Variants in CIRSR observed in about 807,000 individuals in gnomAD.
CIRSR encodes CBF1 (RBPJ) interacting corepressor 1.
At chr2:174,370,156 G>A in the CIRSR span, 1 of 1,068,550 alleles carries the variant, frequency 9.4e-7, no homozygotes, top group East Asian at 6.0e-5. Context: ...CAGGCTGAAG[G>A]AGAGCTAGCA....
the CIRSR span, among the ~76,000 whole-genome samples, chr2:174,370,811 T>C: frequency 1.3e-5 from 2 of 150,828 alleles, no homozygotes; most frequent in Admixed American, 1.3e-4. Context: ...CTTGGGAGGC[T>C]GAGGCAAGAG....
At chr2:174,389,405 C>T in the CIRSR span, among the ~76,000 whole-genome samples, 5 of 152,134 alleles carry the variant, frequency 3.3e-5, no homozygotes, top group African/African-American at 1.2e-4. Context: ...GGCAAAGAAA[C>T]TGGTGGCATT....
At chr2:174,383,994 C>T in the CIRSR span, among the ~76,000 whole-genome samples, 1 of 151,998 alleles carries the variant, frequency 6.6e-6, no homozygotes, top group Non-Finnish European at 1.5e-5. Context: ...TAAATATAAA[C>T]CTACCATGTG....
chr2:174,391,929 T>C, the CIRSR span, among the ~76,000 whole-genome samples: 1 of 152,056 alleles, frequency 6.6e-6, no homozygotes, highest in Admixed American at 6.5e-5. Flanking sequence ...TAACAGAAAG[T>C]AGATTAGTGC....
chr2:174,386,526 G>C, the CIRSR span, among the ~76,000 whole-genome samples: 2 of 151,688 alleles, frequency 1.3e-5, no homozygotes, highest in Non-Finnish European at 2.9e-5. Flanking sequence ...TTTTGAACTA[G>C]ATAGTTCTTT....
the CIRSR span, among the ~76,000 whole-genome samples, chr2:174,359,131 A>G: frequency 7.4e-6 from 1 of 135,580 alleles, no homozygotes; most frequent in Non-Finnish European, 1.5e-5. Flanking sequence ...TTTCACTTAT[A>G]AGAAGCTCAA....
At chr2:174,382,794 G>C in the CIRSR span, among the ~76,000 whole-genome samples, 621 of 150,058 alleles carry the variant, frequency 4.1e-3, 6 homozygotes, top group African/African-American at 0.014. Flanking sequence ...AGGCTTTTTA[G>C]AAAAAAAAAG....
At chr2:174,377,839 A>G in the CIRSR span, among the ~76,000 whole-genome samples, 1 of 151,610 alleles carries the variant, frequency 6.6e-6, no homozygotes, top group African/African-American at 2.4e-5. Flanking sequence ...AAAAAAAAAA[A>G]AAAAAAAACC....
the CIRSR span, among the ~76,000 whole-genome samples, chr2:174,392,926 A>G: frequency 6.6e-6 from 1 of 152,234 alleles, no homozygotes. Flanking sequence ...TAAACAGGCT[A>G]GTTAAAACAG....
At chr2:174,388,204 GTTC>G in the CIRSR span, among the ~76,000 whole-genome samples, 2 of 152,054 alleles carry the variant, frequency 1.3e-5, no homozygotes, top group East Asian at 1.9e-4. Flanking sequence ...CTTGATACGA[GTTC>G]TTTTTATTTT....
At chr2:174,356,352 CAGCTACTAGAG>C in the CIRSR span, among the ~76,000 whole-genome samples, 1 of 151,862 alleles carries the variant, frequency 6.6e-6, no homozygotes, top group Non-Finnish European at 1.5e-5. Context: ...CCTATACTCC[CAGCTACTAGAG>C]AGGGTGAGGT....
chr2:174,349,345 T>C, the CIRSR span, among the ~76,000 whole-genome samples: 1 of 151,926 alleles, frequency 6.6e-6, no homozygotes, highest in Non-Finnish European at 1.5e-5. Context: ...GGCGGGCGGA[T>C]CACAAGGTCA....
At chr2:174,355,520 A>G in the CIRSR span, among the ~76,000 whole-genome samples, 1 of 152,202 alleles carries the variant, frequency 6.6e-6, no homozygotes, top group Non-Finnish European at 1.5e-5. Context: ...TTTATTTTAC[A>G]AACTTTTCTT....
At chr2:174,387,988 C>T in the CIRSR span, among the ~76,000 whole-genome samples, 15 of 151,884 alleles carry the variant, frequency 9.9e-5, no homozygotes, top group South Asian at 2.5e-3. Context: ...CGATAGCCAA[C>T]GAGCTAAAAA....
At chr2:174,349,683 A>G in the CIRSR span, among the ~76,000 whole-genome samples, 1 of 152,072 alleles carries the variant, frequency 6.6e-6, no homozygotes, top group African/African-American at 2.4e-5. Context: ...AAATTAAAAA[A>G]TTAAATGCAT....
the CIRSR span, among the ~76,000 whole-genome samples, chr2:174,374,327 T>G: frequency 2.6e-5 from 4 of 152,244 alleles, no homozygotes; most frequent in Non-Finnish European, 5.9e-5. Context: ...TCAGTTACTC[T>G]CTATTAAATA....
chr2:174,368,117 G>A, the CIRSR span, among the ~76,000 whole-genome samples: 1 of 152,148 alleles, frequency 6.6e-6, no homozygotes, highest in African/African-American at 2.4e-5. Flanking sequence ...ACAAATCCAC[G>A]ATAATAGCTG....
chr2:174,351,196 A>G, the CIRSR span, among the ~76,000 whole-genome samples: 1 of 152,236 alleles, frequency 6.6e-6, no homozygotes, highest in Non-Finnish European at 1.5e-5. Context: ...ATATAATAAT[A>G]TAGCCCTTCA....
the CIRSR span, among the ~76,000 whole-genome samples, chr2:174,360,960 G>A: frequency 2.0e-5 from 3 of 152,088 alleles, no homozygotes; most frequent in Non-Finnish European, 2.9e-5. Flanking sequence ...CTTGTTAATA[G>A]GCCAGTATTT....
Sources: gnomAD v4.1 joint callset for allele counts (sites outside exome capture counted in the v4.1 genomes callset) on GRCh38, gnomAD v4.1.1 for gene constraint, MANE v1.5 for transcripts, NCBI Gene and HGNC (gene_info 2026-07-23, HGNC 2026-07-21) for gene names.